GSPT1: variants seen among roughly 807,000 people sequenced by gnomAD.
GSPT1 encodes the protein G1 to S phase transition 1.
Under a neutral mutation model 72.5 loss-of-function variants are expected in GSPT1, and 20 were observed. That is an observed-to-expected ratio of 0.28 (90% CI 0.19 to 0.40). The LOEUF (loss-of-function observed/expected upper bound fraction) is 0.40, where lower values mean the gene tolerates loss of function less well. Ranked by LOEUF, GSPT1 falls within the 10% of genes least tolerant of loss-of-function variation. The pLI, the probability that GSPT1 is intolerant of heterozygous loss-of-function variation, is 1.00. For missense variants in GSPT1, 580 were observed against 811.9 expected, an observed-to-expected ratio of 0.71 and a Z score of 3.47; for synonymous variants, 334 against 293.5, an observed-to-expected ratio of 1.14 and a Z score of -1.41.
intron 11 of GSPT1, chr16:11,881,325 T>C (rs80216060): frequency 6.6e-6 from 1 of 152,334 alleles, no homozygotes; most frequent in East Asian, 1.9e-4. Context: ...TATCAAGTGA[T>C]AGCTTCCACA....
chr16:11,913,049 C>T (rs1234399015), intron 1 of GSPT1, among the ~76,000 whole-genome samples: 3 of 152,308 alleles, frequency 2.0e-5, no homozygotes, highest in Admixed American at 6.5e-5. Context: ...ACATGCTAGC[C>T]CTATTGTCCA....
chr16:11,871,990 C>T lies in GSPT1; in HGVS notation c.*1129G>A, dbSNP rs765116989. The T allele has an allele frequency of 1.3e-5, 2 of 152,186 alleles. No individual in the cohort carries two copies. Among genetic ancestry groups the T allele is most frequent in the Non-Finnish European group, 2.9e-5 (2 of 68,036 alleles). 9.4% of individuals were successfully genotyped at this position (152,186 alleles called of 1,614,324 possible). A position where few individuals can be genotyped will look rare whatever the true frequency, so the allele number is the denominator to read the frequency against. ...ATACCCTGCTTGATTCTGCTTATCG[C>T]TGATAATTTTAGTCTGTTCAGATTC... On this transcript the variant is annotated 3_prime_UTR_variant, in exon 15 of 15. Transcript: ENST00000434724.
Position 11,877,636 on chromosome 16 carries a change from A to G in GSPT1, c.1429-56T>C. 1 of 1,071,350 alleles carries G rather than the reference A, an allele frequency of 9.3e-7. No homozygotes were observed. The highest frequency in any genetic ancestry group is 1.3e-6 in the Non-Finnish European group (1 of 752,360). The allele number at this position is 1,071,350 out of a possible 1,614,324, so 66.4% of individuals were successfully genotyped here. On this transcript the variant is annotated intron_variant, in intron 11 of 14. Transcript: ENST00000434724. The surrounding 1 kb of genome is among the most constrained non-coding windows in gnomAD (Gnocchi z 4.0). ...TGACACATTCACTGCATTACGCAAC[A>G]TAAAATGATCTGAATGTCTGTCTGC...
At chr16:11,886,640 C>A (rs1194836770) in intron 8 of GSPT1, 29 bp from the exon 9 acceptor site, 1 of 1,584,012 alleles carries the variant, frequency 6.3e-7, no homozygotes, top group African/African-American at 1.3e-5. Context: ...CAAAATAACT[C>A]AATTATAATG....
rs2053993809 is a variant in GSPT1, at chr16:11,872,838, A to G, written c.*281T>C. On this transcript the variant is annotated 3_prime_UTR_variant, in exon 15 of 15. Transcript: ENST00000434724. ...CTGTAGGTTTTCATTATTGTAGGCA[A>G]TTATGTCCACATCACTTACAAAGCT... The G allele has an allele frequency of 2.9e-6, 1 of 339,808 alleles. No homozygotes were observed. The highest frequency in any genetic ancestry group is 5.3e-6 in the Non-Finnish European group (1 of 187,530). 21.0% of individuals were successfully genotyped at this position (339,808 alleles called of 1,614,324 possible).
rs761376116 is a variant in GSPT1, at chr16:11,915,724, C to CG, written c.-5dup. 73 of 1,513,980 alleles carry CG rather than the reference C, an allele frequency of 4.8e-5. No homozygotes were observed. The highest frequency in any genetic ancestry group is 5.9e-5 in the Non-Finnish European group (67 of 1,138,074). 93.8% of individuals were successfully genotyped at this position (1,513,980 alleles called of 1,614,324 possible). On this transcript the variant is annotated 5_prime_UTR_variant, in exon 1 of 15. Transcript: ENST00000434724. Reference sequence around the variant, plus strand: ...CGCCGCCACTGCCCGGATCCATGATCGGGGGGGCCGTGTGTGTGGTGGACA... The same window carrying CG: ...CGCCGCCACTGCCCGGATCCATGATCGGGGGGGGCCGTGTGTGTGGTGGACA...
chr16:11,875,243 G>A (rs2054032782), intron 14 of GSPT1, among the ~76,000 whole-genome samples: 2 of 151,958 alleles, frequency 1.3e-5, no homozygotes, highest in Admixed American at 1.3e-4. Flanking sequence ...AAAGGAAAAG[G>A]ACAGGAATAT....
At chr16:11,910,123 T>TA (rs1422033726) in intron 1 of GSPT1, among the ~76,000 whole-genome samples, 3 of 152,006 alleles carry the variant, frequency 2.0e-5, no homozygotes, top group African/African-American at 7.3e-5. Flanking sequence ...AAAAGTTTTT[T>TA]AAAATACACA....
intron 6 of GSPT1, among the ~76,000 whole-genome samples, chr16:11,889,818 T>TACTAA (rs1295149858): frequency 6.6e-6 from 1 of 151,108 alleles, no homozygotes; most frequent in Non-Finnish European, 1.5e-5. Flanking sequence ...TTTTGTAGTT[T>TACTAA]TAGTAGAGAC....
At chr16:11,915,242 A>C in intron 1 of GSPT1, 127 bp downstream of exon 1, 1 of 1,158,934 alleles carries the variant, frequency 8.6e-7, no homozygotes. Context: ...CCACCCAGGC[A>C]GACGGCGCCA....
Position 11,896,673 on chromosome 16 carries a change from T to C in GSPT1, c.549A>G (p.Glu183=), listed in dbSNP as rs2054343622. The C allele has an allele frequency of 2.5e-6, 4 of 1,608,770 alleles. No homozygotes were observed. Among genetic ancestry groups the C allele is most frequent in the Middle Eastern group, 3.3e-4 (2 of 6,076 alleles). The change falls in exon 4 of 15, where the codon GAA becomes GAG. Residue 183 remains glutamate, a synonymous_variant. Transcript: ENST00000434724. ...CCTCCTCCATCATTTCATGGGCACT[T>C]TCCTCTGGCGGCCTTCCATCTCCCA... ...GSLGDGRPPE[E]SAHEMMEEEE...
At chr16:11,911,830 G>A (rs1243455875) in intron 1 of GSPT1, among the ~76,000 whole-genome samples, 2 of 139,268 alleles carry the variant, frequency 1.4e-5, no homozygotes, top group East Asian at 2.2e-4. Context: ...GGGATTACAG[G>A]CATGAGCCAC....
At chr16:11,900,552 T>A (rs1427537392) in intron 1 of GSPT1, among the ~76,000 whole-genome samples, 2 of 152,034 alleles carry the variant, frequency 1.3e-5, no homozygotes, top group Non-Finnish European at 2.9e-5. Flanking sequence ...ATCACTACCA[T>A]CTAACATACA....
chr16:11,873,002 C>A lies in GSPT1; in HGVS notation c.*117G>T. ...TGTGGACTTTTGCTGTGAATTTCCT[C>A]TTTGCAAAATATGGGGAGAGGTTTA... is the stretch of plus-strand genomic sequence containing the variant. On this transcript the variant is annotated 3_prime_UTR_variant, in exon 15 of 15. Coordinates refer to ENST00000434724, the MANE Select transcript of GSPT1 (RefSeq NM_002094.4). 1 of 636,428 alleles carries A rather than the reference C, an allele frequency of 1.6e-6. No homozygotes were observed. The highest frequency in any genetic ancestry group is 2.2e-5 in the South Asian group (1 of 45,420). The allele number at this position is 636,428 out of a possible 1,614,324, so 39.4% of individuals were successfully genotyped here.
intron 6 of GSPT1, among the ~76,000 whole-genome samples, chr16:11,889,662 A>C (rs955243607): frequency 6.6e-6 from 1 of 151,204 alleles, no homozygotes; most frequent in African/African-American, 2.4e-5. Flanking sequence ...ATGCGCCACC[A>C]TGCCCAGCTA....
chr16:11,889,559 G>A (rs2054229441), intron 6 of GSPT1, among the ~76,000 whole-genome samples: 2 of 151,890 alleles, frequency 1.3e-5, no homozygotes, highest in South Asian at 4.2e-4. Context: ...CCAGGCTGGA[G>A]TGCAGCAGCA....
chr16:11,895,861 G>A (rs559672407), intron 4 of GSPT1, among the ~76,000 whole-genome samples: 35 of 152,282 alleles, frequency 2.3e-4, no homozygotes, highest in African/African-American at 8.4e-4. Context: ...TCCTGACCTC[G>A]TGATGTGCCC....
In GSPT1 at chr16:11,887,025, T is replaced by TG. The variant is rs1230980245; in HGVS notation, c.958-95_958-94insC. 5.2e-6 allele frequency: 5 copies of TG among 955,516 alleles called. No individual in the cohort carries two copies. The Admixed American group carries it at 1.1e-4, about 21-fold the overall frequency. 59.2% of individuals were successfully genotyped at this position (955,516 alleles called of 1,614,324 possible). A position where few individuals can be genotyped will look rare whatever the true frequency, so the allele number is the denominator to read the frequency against. ...TTCCTTTCAGTTATATCACGAGTTT[T>TG]TTTTTTTTTTTTTGCAAGAAAATAG... On this transcript the variant is annotated intron_variant, in intron 7 of 14. Coordinates refer to ENST00000434724, the MANE Select transcript of GSPT1 (RefSeq NM_002094.4).
In GSPT1 at chr16:11,886,596, C is replaced by T; in HGVS notation, c.1128G>A (p.Lys376=). 6.2e-7 allele frequency: 1 copy of T among 1,611,110 alleles called. No individual in the cohort carries two copies. Among genetic ancestry groups the T allele is most frequent in the Non-Finnish European group, 8.5e-7 (1 of 1,177,444 alleles). The change falls in exon 9 of 15, where the codon AAG becomes AAA. Residue 376 remains lysine, a synonymous_variant. Coordinates refer to ENST00000434724, the MANE Select transcript of GSPT1 (RefSeq NM_002094.4). The part of the protein sequence containing the change: ...NWSNERYEEC[K]EKLVPFLKKV... ...TTTTCAAAAATGGCACTAGTTTCTC[C>T]TTACATTCTTCATATCTGCAATTAT...
Sources: gnomAD v4.1 joint callset for allele counts (sites outside exome capture counted in the v4.1 genomes callset) on GRCh38, gnomAD v4.1.1 for gene constraint, Gnocchi (gnomAD v3.1) non-coding constraint, MANE v1.5 for transcripts, NCBI Gene and HGNC (gene_info 2026-07-23, HGNC 2026-07-21) for gene names.